Variants in SDK1 observed in about 807,000 individuals in gnomAD.
SDK1 encodes the protein sidekick cell adhesion molecule 1.
In SDK1, 157 loss-of-function variants were observed where a neutral mutation model predicts 245.5. That is an observed-to-expected ratio of 0.64 (90% CI 0.56 to 0.73). The LOEUF (loss-of-function observed/expected upper bound fraction) is 0.73. SDK1 is among the 30% of genes least tolerant of loss of function. SDK1 has a pLI of 0.00. For synonymous variants in SDK1, 1,647 were observed against 1,278.5 expected (o/e 1.29, Z -6.15); for missense variants, 3,583 against 3,002.3 (o/e 1.19, Z -4.52).
intron 1 of SDK1, among the ~76,000 whole-genome samples, chr7:3,408,343 C>A (rs1049567205): frequency 6.6e-6 from 1 of 152,126 alleles, no homozygotes; most frequent in Non-Finnish European, 1.5e-5. Context: ...TGGTGCTTGG[C>A]CAGTTCATCC....
chr7:3,564,386 G>C (rs1449826876), intron 1 of SDK1, among the ~76,000 whole-genome samples: 2 of 152,082 alleles, frequency 1.3e-5, no homozygotes, highest in Admixed American at 6.5e-5. Context: ...TGCTTTGGGA[G>C]GCCGAGACAG....
chr7:3,406,087 A>G (rs1779047573), intron 1 of SDK1, among the ~76,000 whole-genome samples: 2 of 152,152 alleles, frequency 1.3e-5, no homozygotes, highest in South Asian at 4.1e-4. Context: ...TGCTGGGATT[A>G]CAGGCGTGAG....
intron 1 of SDK1, among the ~76,000 whole-genome samples, chr7:3,306,969 C>T (rs781361714): frequency 2.0e-4 from 31 of 152,070 alleles, no homozygotes; most frequent in Non-Finnish European, 4.1e-4. Context: ...GAGAGTAGAC[C>T]TCCAGGTCCA....
chr7:3,855,447 C>A (rs974931261), intron 5 of SDK1, among the ~76,000 whole-genome samples: 1 of 152,088 alleles, frequency 6.6e-6, no homozygotes, highest in African/African-American at 2.4e-5. Context: ...GTAAATTAAA[C>A]ATTGATTGTT....
At chr7:4,254,957 A>G (rs1339819759) in intron 44 of SDK1, among the ~76,000 whole-genome samples, 1 of 152,148 alleles carries the variant, frequency 6.6e-6, no homozygotes, top group Non-Finnish European at 1.5e-5. Flanking sequence ...TTGGCGTCAT[A>G]CCCAGCAGTT....
intron 1 of SDK1, among the ~76,000 whole-genome samples, chr7:3,313,985 G>A (rs1321142475): frequency 2.0e-5 from 3 of 152,156 alleles, no homozygotes; most frequent in Non-Finnish European, 2.9e-5. Context: ...AGTGAATAAA[G>A]TGCTGTGTTA....
intron 1 of SDK1, among the ~76,000 whole-genome samples, chr7:3,357,719 C>G (rs1780843506): frequency 6.6e-6 from 1 of 152,106 alleles, no homozygotes; most frequent in Non-Finnish European, 1.5e-5. Context: ...CATCCCTCCA[C>G]TTTTCTCTTT....
intron 1 of SDK1, among the ~76,000 whole-genome samples, chr7:3,346,713 GTA>G (rs58349264): frequency 8.1e-6 from 1 of 124,056 alleles, no homozygotes; most frequent in Non-Finnish European, 1.6e-5. Flanking sequence ...GTGTGTGTGT[GTA>G]TATATGTATA....
In SDK1 at chr7:3,411,026, A is replaced by G. The variant is rs181832066; in HGVS notation, c.298+109142A>G. Among the ~76,000 whole-genome samples the G allele has an allele frequency of 4.2e-3, 641 of 152,280 alleles. 7 individuals are homozygous for G. Among genetic ancestry groups the G allele is most frequent in the South Asian group, 0.018 (87 of 4,824 alleles). ...AGCTGTTTTGCTTATTAAATGAACA[A>G]TATGCTTTTAAATCGTGTAAGAAGA... On this transcript the variant is annotated intron_variant, in intron 1 of 44. Coordinates refer to ENST00000404826, the MANE Select transcript of SDK1 (RefSeq NM_152744.4).
At chr7:3,485,705 T>TTTTTTTTA (rs1781671818) in intron 1 of SDK1, among the ~76,000 whole-genome samples, 1 of 145,458 alleles carries the variant, frequency 6.9e-6, no homozygotes, top group African/African-American at 2.6e-5. Flanking sequence ...TTTTTTTTTT[T>TTTTTTTTA]GAGCCATCTT....
At chr7:3,721,007 C>T (rs867674016) in intron 4 of SDK1, among the ~76,000 whole-genome samples, 9 of 152,154 alleles carry the variant, frequency 5.9e-5, no homozygotes, top group East Asian at 3.8e-4. Flanking sequence ...GGTCACAGAC[C>T]GCATGAGTCC....
chr7:3,360,704 G>A (rs933768135), intron 1 of SDK1, among the ~76,000 whole-genome samples: 1 of 152,128 alleles, frequency 6.6e-6, no homozygotes, highest in East Asian at 1.9e-4. Flanking sequence ...CAACCACCTG[G>A]TCTGTCTGAT....
At chr7:3,950,876 C>T (rs761536251) in intron 5 of SDK1, 47 bp from the exon 6 acceptor site, 3 of 1,438,662 alleles carry the variant, frequency 2.1e-6, no homozygotes, top group Non-Finnish European at 9.6e-7. Flanking sequence ...GCGGGGGGTG[C>T]TCCTGTACTT....
intron 28 of SDK1, among the ~76,000 whole-genome samples, chr7:4,133,320 A>T (rs1784969171): frequency 6.6e-6 from 1 of 152,168 alleles, no homozygotes; most frequent in Non-Finnish European, 1.5e-5. Flanking sequence ...TGACTCATTC[A>T]CCCTTTCACA....
rs564632762 is a variant in SDK1 at position 4,226,265 on chromosome 7, G to C, written c.5827+4901G>C. ...CAGGGGCCCTCACCGCTGGGTATCT[G>C]GGAGACGGGCACTCGGTGCCAGGCA... is the stretch of plus-strand genomic sequence containing the variant. On this transcript the variant is annotated intron_variant, in intron 40 of 44. Coordinates refer to ENST00000404826, the MANE Select transcript of SDK1 (RefSeq NM_152744.4). Among the ~76,000 whole-genome samples, 7 of 152,348 alleles carry C rather than the reference G, an allele frequency of 4.6e-5. No homozygotes were observed. The East Asian group carries it at 1.4e-3, about 29-fold the overall frequency.
At chr7:4,208,751 C>T (rs1784370329) in intron 37 of SDK1, among the ~76,000 whole-genome samples, 1 of 152,234 alleles carries the variant, frequency 6.6e-6, no homozygotes, top group South Asian at 2.1e-4. Context: ...CAGACCACCC[C>T]TGGAGACTGC....
intron 1 of SDK1, among the ~76,000 whole-genome samples, chr7:3,472,279 AG>A (rs1279669327): frequency 6.6e-6 from 1 of 151,950 alleles, no homozygotes; most frequent in Non-Finnish European, 1.5e-5. Flanking sequence ...CTAGCTGGGG[AG>A]GGGGTATAGA....
chr7:3,958,111 T>A (rs1041037305), intron 7 of SDK1: 12 of 417,234 alleles, frequency 2.9e-5, no homozygotes, highest in Non-Finnish European at 4.8e-5. Flanking sequence ...TTCAACACAA[T>A]TATAATGAAA....
intron 1 of SDK1, among the ~76,000 whole-genome samples, chr7:3,518,527 A>T (rs1035965263): frequency 6.6e-6 from 1 of 152,134 alleles, no homozygotes; most frequent in Non-Finnish European, 1.5e-5. Flanking sequence ...AAATGATCTG[A>T]ACACACATTT....
Sources: allele counts gnomAD v4.1 joint callset (sites outside exome capture counted in the v4.1 genomes callset), GRCh38; gene constraint gnomAD v4.1.1; transcripts MANE v1.5; gene names NCBI Gene and HGNC (gene_info 2026-07-23, HGNC 2026-07-21).